The following MSH3 variants were observed in gnomAD, a reference collection of about 807,000 sequenced individuals.
MSH3 encodes DNA mismatch repair protein Msh3.
MSH3 carries 106 observed loss-of-function variants against 123.3 expected under a neutral mutation model. That is an observed-to-expected ratio of 0.86 (90% CI 0.73 to 1.01). MSH3 has a LOEUF of 1.01. MSH3 is among the 50% of genes least tolerant of loss of function. MSH3 has a pLI of 0.00. For synonymous variants in MSH3, 515 were observed against 481.4 expected (o/e 1.07, Z -0.91); for missense variants, 1,459 against 1,347.6 (o/e 1.08, Z -1.29).
At chr5:80,807,917 G>A (rs902221877) in intron 19 of MSH3, among the ~76,000 whole-genome samples, 2 of 152,194 alleles carry the variant, frequency 1.3e-5, no homozygotes, top group South Asian at 4.1e-4. Flanking sequence ...TAGGGAGAAT[G>A]TGCAAACACA....
intron 20 of MSH3, among the ~76,000 whole-genome samples, chr5:80,839,628 A>G (rs528644714): frequency 4.5e-4 from 68 of 152,204 alleles, no homozygotes; most frequent in Non-Finnish European, 6.2e-4. Flanking sequence ...GATGTTTGCT[A>G]GGTGCTTGGG....
intron 12 of MSH3, among the ~76,000 whole-genome samples, chr5:80,753,049 T>C (rs779251383): frequency 2.0e-5 from 3 of 152,120 alleles, no homozygotes; most frequent in Non-Finnish European, 4.4e-5. Context: ...TTACATGTAT[T>C]TGCAATATTT....
intron 20 of MSH3, among the ~76,000 whole-genome samples, chr5:80,828,295 C>T (rs1168443109): frequency 6.6e-6 from 1 of 152,130 alleles, no homozygotes; most frequent in Non-Finnish European, 1.5e-5. Context: ...GTAACCCACT[C>T]CTATGATAAC....
intron 19 of MSH3, among the ~76,000 whole-genome samples, chr5:80,797,781 G>C (rs1744721743): frequency 6.6e-6 from 1 of 152,198 alleles, no homozygotes; most frequent in South Asian, 2.1e-4. Context: ...AGGCCAAGGA[G>C]GCTGGCCCAG....
intron 23 of MSH3, among the ~76,000 whole-genome samples, chr5:80,874,765 TATA>T (rs1441810242): frequency 1.3e-5 from 2 of 152,192 alleles, no homozygotes; most frequent in African/African-American, 4.8e-5. Context: ...CTATATAGCC[TATA>T]AAGCAAGAGC....
chr5:80,688,170 C>T (rs1750137675), intron 8 of MSH3, among the ~76,000 whole-genome samples: 1 of 152,130 alleles, frequency 6.6e-6, no homozygotes, highest in Non-Finnish European at 1.5e-5. Flanking sequence ...GGAAGAATGT[C>T]CTGTGGTACC....
intron 16 of MSH3, among the ~76,000 whole-genome samples, chr5:80,776,967 C>T (rs562921874): frequency 7.6e-4 from 105 of 138,534 alleles, no homozygotes; most frequent in African/African-American, 2.0e-3. Flanking sequence ...AGTCTCTTTT[C>T]GTCAGCCAGG....
chr5:80,690,202 A>G (rs1750196724), intron 8 of MSH3, among the ~76,000 whole-genome samples: 1 of 152,132 alleles, frequency 6.6e-6, no homozygotes, highest in Admixed American at 6.5e-5. Flanking sequence ...TATAGGCATG[A>G]GCGACTGCAT....
chr5:80,835,456 C>T (rs1198123882), intron 20 of MSH3, among the ~76,000 whole-genome samples: 1 of 150,762 alleles, frequency 6.6e-6, no homozygotes, highest in East Asian at 1.9e-4. Context: ...ATTGAATAAG[C>T]GGAAGGTAAA....
intron 18 of MSH3, among the ~76,000 whole-genome samples, chr5:80,790,332 GGCCA>G: frequency 6.6e-6 from 1 of 152,204 alleles, no homozygotes; most frequent in East Asian, 1.9e-4. Context: ...GTTTCTTAAA[GGCCA>G]TCTAAAGAAC....
intron 22 of MSH3, among the ~76,000 whole-genome samples, chr5:80,867,581 T>A (rs1170078008): frequency 1.3e-5 from 2 of 152,094 alleles, no homozygotes; most frequent in Non-Finnish European, 2.9e-5. Context: ...GATTAGGGAG[T>A]TAATTCCTTA....
chr5:80,743,896 A>G (rs1743663590), intron 11 of MSH3, among the ~76,000 whole-genome samples: 1 of 151,780 alleles, frequency 6.6e-6, no homozygotes, highest in Admixed American at 6.6e-5. Context: ...CAGCCATTTT[A>G]GGTCTCAAGA....
chr5:80,870,421 A>G (rs959013220), intron 22 of MSH3, among the ~76,000 whole-genome samples: 2 of 152,170 alleles, frequency 1.3e-5, no homozygotes, highest in South Asian at 2.1e-4. Context: ...AAGTTAAGAA[A>G]TGGCTTTTTT....
At chr5:80,803,610 G>A (rs763158606) in intron 19 of MSH3, among the ~76,000 whole-genome samples, 3 of 147,692 alleles carry the variant, frequency 2.0e-5, no homozygotes, top group East Asian at 2.0e-4. Flanking sequence ...TTTTGCTTTC[G>A]TTGCCTGTGT....
intron 22 of MSH3, among the ~76,000 whole-genome samples, chr5:80,870,395 C>T (rs978106857): frequency 6.6e-6 from 1 of 152,112 alleles, no homozygotes; most frequent in African/African-American, 2.4e-5. Flanking sequence ...AAGTGATAAA[C>T]TATTTTTCTG....
rs1404939644 is a variant in MSH3 at position 80,722,436 on chromosome 5, A to AT, written c.1341-3016dup. On this transcript the variant is annotated intron_variant, in intron 8 of 23. Transcript: ENST00000265081. ...ATATACCTACATCAATATACATAAG[A>AT]TAAGCTTCCAAAGGAAATACTCTTT... is the stretch of plus-strand genomic sequence containing the variant. Among the ~76,000 whole-genome samples, 12 of 152,354 alleles carry AT rather than the reference A, an allele frequency of 7.9e-5. No individual in the cohort carries two copies. The South Asian group carries it at 1.9e-3, about 24-fold the overall frequency.
At chr5:80,701,977 C>T (rs923452668) in intron 8 of MSH3, among the ~76,000 whole-genome samples, 1 of 151,976 alleles carries the variant, frequency 6.6e-6, no homozygotes, top group Non-Finnish European at 1.5e-5. Flanking sequence ...TTTCCTCCCT[C>T]CCTTCTTTTT....
chr5:80,753,663 A>C (rs2112874899), intron 12 of MSH3, among the ~76,000 whole-genome samples: 1 of 152,258 alleles, frequency 6.6e-6, no homozygotes, highest in East Asian at 1.9e-4. Flanking sequence ...AATGGCTCTA[A>C]TGTTGTGAAA....
chr5:80,785,228 G>T (rs377311125), intron 17 of MSH3, among the ~76,000 whole-genome samples: 11 of 152,114 alleles, frequency 7.2e-5, no homozygotes, highest in African/African-American at 2.7e-4. Context: ...TCTTTTTCAC[G>T]TTTTTGGATC....
Sources: allele counts gnomAD v4.1 joint callset (sites outside exome capture counted in the v4.1 genomes callset), GRCh38; gene constraint gnomAD v4.1.1; transcripts MANE v1.5; gene names NCBI Gene and HGNC (gene_info 2026-07-23, HGNC 2026-07-21).